Variants in PBX3 observed in about 807,000 individuals in gnomAD.
The protein encoded by PBX3 is pre-B-cell leukemia transcription factor 3.
In PBX3, 14 loss-of-function variants were observed where a neutral mutation model predicts 48.5. That is an observed-to-expected ratio of 0.29 (90% CI 0.19 to 0.45). The LOEUF is 0.45. Among genes scored for constraint, PBX3 ranks in the 20% least tolerant of loss-of-function variants. The probability of loss-of-function intolerance (pLI) is 1.00; values close to 1 mark genes in which losing one functional copy is unlikely to be tolerated. For synonymous variants in PBX3, 210 were observed against 200.3 expected (o/e 1.05, Z -0.41); for missense variants, 386 against 546.7 (o/e 0.71, Z 2.93).
At chr9:125,963,245 ACC>A in intron 8 of PBX3, 144 bp downstream of exon 8, 1 of 519,342 alleles carries the variant, frequency 1.9e-6, no homozygotes, top group Non-Finnish European at 3.5e-6. Context: ...TATTTTAAGA[ACC>A]TAAATGCTTG....
chr9:125,904,956 T>C (rs1841036096), intron 2 of PBX3, among the ~76,000 whole-genome samples: 1 of 151,940 alleles, frequency 6.6e-6, no homozygotes, highest in African/African-American at 2.4e-5. Flanking sequence ...AAATCAAAGT[T>C]GACATTTCCA....
chr9:125,883,975 C>T (rs895526676), intron 2 of PBX3, among the ~76,000 whole-genome samples: 4 of 152,138 alleles, frequency 2.6e-5, no homozygotes, highest in African/African-American at 9.7e-5. Context: ...TGTGTTTATA[C>T]ATGGCTTGTA....
intron 2 of PBX3, among the ~76,000 whole-genome samples, chr9:125,868,021 G>T (rs1335660276): frequency 6.6e-6 from 1 of 152,082 alleles, no homozygotes; most frequent in African/African-American, 2.4e-5. Context: ...GACCACAGGT[G>T]TATGCCTCCA....
chr9:125,770,930 TC>T (rs1240306778), intron 2 of PBX3, among the ~76,000 whole-genome samples: 2 of 152,208 alleles, frequency 1.3e-5, no homozygotes, highest in Non-Finnish European at 2.9e-5. Flanking sequence ...AATGATATCT[TC>T]AGGCGCTGCT....
chr9:125,764,627 T>C (rs1836756220), intron 2 of PBX3, among the ~76,000 whole-genome samples: 1 of 152,198 alleles, frequency 6.6e-6, no homozygotes, highest in African/African-American at 2.4e-5. Flanking sequence ...AAAGTTTCAA[T>C]TTTTAGTTAG....
chr9:125,919,557 A>C (rs968328855), intron 3 of PBX3, among the ~76,000 whole-genome samples: 7 of 152,112 alleles, frequency 4.6e-5, no homozygotes, highest in African/African-American at 1.7e-4. Context: ...TCCTCCTAAA[A>C]GTGAACATGG....
At chr9:125,860,901 A>G (rs1393031289) in intron 2 of PBX3, among the ~76,000 whole-genome samples, 2 of 151,648 alleles carry the variant, frequency 1.3e-5, no homozygotes, top group East Asian at 3.9e-4. Flanking sequence ...AAAAAAAAAA[A>G]AAAAGATATT....
intron 2 of PBX3, among the ~76,000 whole-genome samples, chr9:125,796,925 T>C (rs541768994): frequency 6.6e-6 from 1 of 152,250 alleles, no homozygotes; most frequent in East Asian, 1.9e-4. Flanking sequence ...TTTATCATAT[T>C]TAAAAATTTA....
At chr9:125,889,853 A>C (rs1840595521) in intron 2 of PBX3, among the ~76,000 whole-genome samples, 1 of 147,696 alleles carries the variant, frequency 6.8e-6, no homozygotes, top group Admixed American at 6.7e-5. Context: ...CTGCGAGAAC[A>C]ATGGGCGCGC....
intron 2 of PBX3, among the ~76,000 whole-genome samples, chr9:125,773,233 C>T (rs915775499): frequency 6.6e-6 from 1 of 152,068 alleles, no homozygotes; most frequent in Non-Finnish European, 1.5e-5. Context: ...AAAGAGGAAA[C>T]AATGGTTTTA....
At chr9:125,854,098 CCTG>C (rs1839656885) in intron 2 of PBX3, among the ~76,000 whole-genome samples, 1 of 151,996 alleles carries the variant, frequency 6.6e-6, no homozygotes, top group Admixed American at 6.6e-5. Context: ...CCAATATAGA[CCTG>C]CTATTTTAAT....
intron 2 of PBX3, among the ~76,000 whole-genome samples, chr9:125,867,860 G>A (rs187045774): frequency 1.3e-5 from 2 of 150,116 alleles, no homozygotes; most frequent in African/African-American, 2.5e-5. Flanking sequence ...ACATATATTT[G>A]TTTTGTTTTG....
chr9:125,960,582 G>A (rs1842406625), intron 5 of PBX3, 102 bp from the exon 6 acceptor site: 1 of 983,988 alleles, frequency 1.0e-6, no homozygotes, highest in Non-Finnish European at 1.6e-6. Flanking sequence ...GCTAGGAATT[G>A]TGTGTCTCCC....
rs750227842 is a variant in PBX3 at position 125,747,525 on chromosome 9, C to T, written c.72C>T (p.Gly24=). 4 of 1,600,636 alleles carry T rather than the reference C, an allele frequency of 2.5e-6. No individual in the cohort carries two copies. The East Asian group carries it at 6.9e-5, about 28-fold the overall frequency. Residue 24 remains glycine (G), a synonymous_variant, in exon 1 of 9, where the codon GGC becomes GGT. Transcript: ENST00000373489. ...TGGCTGGCCACTCGGTGCAGGGGGG[C>T]ATGGCCCTGCCGCCTCCCCCGCACG... The part of the protein sequence containing the change: ...VNLAGHSVQG[G]MALPPPPHGH...
chr9:125,810,189 T>C (rs1394113178), intron 2 of PBX3, among the ~76,000 whole-genome samples: 1 of 152,208 alleles, frequency 6.6e-6, no homozygotes, highest in Non-Finnish European at 1.5e-5. Context: ...CCTACTCTTT[T>C]ATAAAAATTT....
At chr9:125,783,183 A>T (rs747027039) in intron 2 of PBX3, among the ~76,000 whole-genome samples, 9 of 152,146 alleles carry the variant, frequency 5.9e-5, no homozygotes, top group Non-Finnish European at 1.0e-4. Context: ...CCATTATTAT[A>T]TGTTGGTGTG....
intron 2 of PBX3, among the ~76,000 whole-genome samples, chr9:125,860,884 CAAAA>C (rs58796485): frequency 0.024 from 2,394 of 99,092 alleles, 120 homozygotes; most frequent in East Asian, 0.2. Flanking sequence ...AAGACTCTGT[CAAAA>C]AAAAAAAAAA....
chr9:125,822,770 A>G (rs1838689585), intron 2 of PBX3, among the ~76,000 whole-genome samples: 1 of 152,160 alleles, frequency 6.6e-6, no homozygotes, highest in Non-Finnish European at 1.5e-5. Context: ...GTACATTAAT[A>G]CAGGGTATCT....
At chr9:125,806,963 C>T (rs556124886) in intron 2 of PBX3, among the ~76,000 whole-genome samples, 1 of 152,172 alleles carries the variant, frequency 6.6e-6, no homozygotes, top group Non-Finnish European at 1.5e-5. Flanking sequence ...TCCTAGGGGA[C>T]ACCATAAACC....
Sources: allele counts gnomAD v4.1 joint callset (sites outside exome capture counted in the v4.1 genomes callset), GRCh38; gene constraint gnomAD v4.1.1; transcripts MANE v1.5; gene names NCBI Gene and HGNC (gene_info 2026-07-23, HGNC 2026-07-21).